The following DMXL1 variants were observed in gnomAD, a reference collection of about 807,000 sequenced individuals.
The protein encoded by DMXL1 is Dmx like 1.
In DMXL1, 99 loss-of-function variants were observed where a neutral mutation model predicts 319.2. That is an observed-to-expected ratio of 0.31 (90% confidence interval 0.26 to 0.37). The LOEUF is 0.37. Among genes scored for constraint, DMXL1 ranks in the 10% least tolerant of loss-of-function variants. The pLI, the probability that DMXL1 is intolerant of heterozygous loss-of-function variation, is 1.00. For synonymous variants in DMXL1, 1,385 were observed against 1,235.2 expected (o/e 1.12, Z -2.54); for missense variants, 3,745 against 3,595.6 (o/e 1.04, Z -1.06).
chr5:119,152,303 AT>A, intron 19 of DMXL1, among the ~76,000 whole-genome samples: 1 of 152,152 alleles, frequency 6.6e-6, no homozygotes, highest in Non-Finnish European at 1.5e-5. Flanking sequence ...TTCAAGGCAA[AT>A]TAGTATTGTT....
rs773313326 is a variant in DMXL1 at position 119,149,139 on chromosome 5, A to G, written c.3312A>G (p.Thr1104=). ...EQTIHLDELS[T]VLDSGISVDS... ...CAATTCATTTAGATGAGTTAAGCAC[A>G]GTATTGGATTCTGGCATTAGTGTTG... is the stretch of plus-strand genomic sequence containing the variant. Residue 1104 remains threonine, a synonymous_variant, in exon 18 of 44, where the codon ACA becomes ACG. Transcript: ENST00000539542. 2 of 1,613,954 alleles carry G rather than the reference A, an allele frequency of 1.2e-6. No individual in the cohort carries two copies. The highest frequency in any genetic ancestry group is 2.2e-5 in the East Asian group (1 of 44,872).
chr5:119,077,759 G>C (rs868189448), intron 1 of DMXL1, among the ~76,000 whole-genome samples: 1 of 109,766 alleles, frequency 9.1e-6, no homozygotes, highest in African/African-American at 3.1e-5. Flanking sequence ...TTTTAAGTGT[G>C]TGTGTGTGTG....
At chr5:119,099,774 G>T (rs1376244973) in intron 2 of DMXL1, among the ~76,000 whole-genome samples, 1 of 152,116 alleles carries the variant, frequency 6.6e-6, no homozygotes, top group East Asian at 1.9e-4. Flanking sequence ...GGGTCAAGGT[G>T]GGCAAATCGC....
intron 29 of DMXL1, 68 bp downstream of exon 29, chr5:119,189,954 G>T (rs1778419607): frequency 1.2e-5 from 18 of 1,448,634 alleles, no homozygotes; most frequent in Non-Finnish European, 1.7e-5. Context: ...AGAAATAAGT[G>T]TCATTTTTGG....
intron 19 of DMXL1, among the ~76,000 whole-genome samples, chr5:119,155,571 GC>G (rs1185495882): frequency 6.6e-6 from 1 of 152,154 alleles, no homozygotes; most frequent in Non-Finnish European, 1.5e-5. Context: ...AGGCACGATG[GC>G]TCATCCCTGT....
chr5:119,093,098 A>C (rs1755157048), intron 1 of DMXL1, among the ~76,000 whole-genome samples: 1 of 151,816 alleles, frequency 6.6e-6, no homozygotes, highest in Non-Finnish European at 1.5e-5. Context: ...TTTGTTGAGC[A>C]AATCTGTCAG....
At chr5:119,220,675 T>C in intron 36 of DMXL1, 82 bp downstream of exon 36, 2 of 1,506,764 alleles carry the variant, frequency 1.3e-6, no homozygotes, top group South Asian at 1.3e-5. Context: ...CAAAAGATTC[T>C]TTAAAGCAAT....
Position 119,216,979 on chromosome 5 carries a change from G to T in DMXL1, c.8005G>T (p.Val2669Phe). The T allele has an allele frequency of 6.4e-7, 1 of 1,567,206 alleles. No homozygotes were observed. The highest frequency in any genetic ancestry group is 8.7e-7 in the Non-Finnish European group (1 of 1,146,666). ...KESDIITAFA[V>F]NKANRNCIAI... Reference sequence around the variant, plus strand: ...ATCTGATATCATTACTGCGTTTGCTGTTAATAAGGTAAGTACATAGACATT... The same window carrying T: ...ATCTGATATCATTACTGCGTTTGCTTTTAATAAGGTAAGTACATAGACATT... The change falls in exon 35 of 44, where the codon GTT (valine) becomes TTT (phenylalanine). Residue 2669 changes from valine (V) to phenylalanine (F), a missense_variant. Transcript: ENST00000539542.
chr5:119,191,670 G>A (rs946797665), intron 29 of DMXL1, among the ~76,000 whole-genome samples: 2 of 152,124 alleles, frequency 1.3e-5, no homozygotes, highest in African/African-American at 2.4e-5. Flanking sequence ...TAGTTGAGAT[G>A]TTACCTTCCC....
intron 33 of DMXL1, among the ~76,000 whole-genome samples, chr5:119,204,283 G>A (rs1781373054): frequency 6.6e-6 from 1 of 152,106 alleles, no homozygotes; most frequent in African/African-American, 2.4e-5. Context: ...GACTGCAGAT[G>A]AACGCCACCA....
chr5:119,124,738 G>A (rs963460259), intron 9 of DMXL1, among the ~76,000 whole-genome samples: 6 of 151,736 alleles, frequency 4.0e-5, no homozygotes, highest in African/African-American at 1.5e-4. Flanking sequence ...GCTAATTTTT[G>A]TATTTTTAGT....
At chr5:119,238,454 T>G (rs1034565935) in intron 40 of DMXL1, among the ~76,000 whole-genome samples, 1 of 152,182 alleles carries the variant, frequency 6.6e-6, no homozygotes, top group Non-Finnish European at 1.5e-5. Flanking sequence ...TGTTTTCTAA[T>G]TTTGATGACT....
At chr5:119,154,420 C>T (rs1770547822) in intron 19 of DMXL1, among the ~76,000 whole-genome samples, 1 of 152,198 alleles carries the variant, frequency 6.6e-6, no homozygotes, top group South Asian at 2.1e-4. Flanking sequence ...AGCCTTATTG[C>T]TTATGTGGAG....
At chr5:119,117,040 T>C (rs1296878689) in intron 7 of DMXL1, among the ~76,000 whole-genome samples, 3 of 152,142 alleles carry the variant, frequency 2.0e-5, no homozygotes, top group Non-Finnish European at 1.5e-5. Flanking sequence ...TTGTTTTGTT[T>C]AGTTTTGAGA....
intron 38 of DMXL1, among the ~76,000 whole-genome samples, chr5:119,225,015 A>G (rs186937023): frequency 9.2e-5 from 14 of 152,152 alleles, no homozygotes; most frequent in African/African-American, 9.6e-5. Context: ...TTGACTACCA[A>G]TCAAAATTTG....
chr5:119,118,707 C>T, intron 7 of DMXL1, 108 bp from the exon 8 acceptor site: 6 of 798,664 alleles, frequency 7.5e-6, no homozygotes, highest in Non-Finnish European at 1.2e-5. Flanking sequence ...ATATTTTCTT[C>T]ATTGGTACCT....
At chr5:119,177,301 C>T in intron 26 of DMXL1, 56 bp from the exon 27 acceptor site, 1 of 1,234,844 alleles carries the variant, frequency 8.1e-7, no homozygotes, top group Non-Finnish European at 1.1e-6. Context: ...AGATCTGAAA[C>T]ATGAAAATAT....
At chr5:119,119,031 T>A in intron 8 of DMXL1, 27 bp downstream of exon 8, 1 of 1,535,422 alleles carries the variant, frequency 6.5e-7, no homozygotes, top group Non-Finnish European at 8.9e-7. Context: ...CATTACTTAC[T>A]ACAAGTTTTA....
intron 25 of DMXL1, 97 bp downstream of exon 25, chr5:119,172,066 G>C: frequency 8.8e-7 from 1 of 1,140,312 alleles, no homozygotes; most frequent in Non-Finnish European, 1.2e-6. Flanking sequence ...TTAAACATCA[G>C]ACTAAGCATA....
Sources: allele counts gnomAD v4.1 joint callset (sites outside exome capture counted in the v4.1 genomes callset), GRCh38; gene constraint gnomAD v4.1.1; transcripts MANE v1.5; gene names NCBI Gene and HGNC (gene_info 2026-07-23, HGNC 2026-07-21).